CREBBP: variants seen among roughly 807,000 people sequenced by gnomAD.
CREBBP encodes CREB binding lysine acetyltransferase.
A neutral mutation model predicts 265.0 loss-of-function variants in CREBBP; 19 were observed. That is an observed-to-expected ratio of 0.07 (90% CI 0.05 to 0.11). The LOEUF (loss-of-function observed/expected upper bound fraction) is 0.11, where lower values mean the gene tolerates loss of function less well. CREBBP is among the 10% of genes least tolerant of loss of function. The pLI is 1.00. For synonymous variants in CREBBP, 1,457 were observed against 1,223.7 expected (o/e 1.19, Z -3.98); for missense variants, 2,525 against 3,219.0 (o/e 0.78, Z 5.22).
intron 23 of CREBBP, chr16:3,742,412 T>G (rs2052238781): frequency 6.6e-6 from 1 of 152,240 alleles, no homozygotes; most frequent in African/African-American, 2.4e-5. Flanking sequence ...GATACATGTG[T>G]GAAAGTAGAC....
At chr16:3,761,460 T>TAA (rs1329549783) in intron 16 of CREBBP, 1 of 498,964 alleles carries the variant, frequency 2.0e-6, no homozygotes, top group Non-Finnish European at 4.0e-6. Flanking sequence ...AAGCAAAAGT[T>TAA]AAAAGTTGGA....
intron 3 of CREBBP, among the ~76,000 whole-genome samples, chr16:3,797,569 A>G (rs1943328400): frequency 6.6e-6 from 1 of 152,194 alleles, no homozygotes; most frequent in African/African-American, 2.4e-5. Flanking sequence ...TACTAACAAT[A>G]CACTGTAATA....
At chr16:3,849,472 T>TGATGTGC (rs2054776309) in intron 2 of CREBBP, among the ~76,000 whole-genome samples, 1 of 125,958 alleles carries the variant, frequency 7.9e-6, no homozygotes, top group Non-Finnish European at 1.7e-5. Context: ...TGTGTGTGTG[T>TGATGTGC]GTGTGTGTGT....
intron 3 of CREBBP, among the ~76,000 whole-genome samples, chr16:3,807,507 T>C (rs1352704397): frequency 6.6e-6 from 1 of 152,142 alleles, no homozygotes; most frequent in South Asian, 2.1e-4. Flanking sequence ...GATATAATTT[T>C]CAAAATTCAA....
intron 1 of CREBBP, among the ~76,000 whole-genome samples, chr16:3,865,805 AT>A (rs1281753913): frequency 2.0e-5 from 3 of 151,982 alleles, no homozygotes; most frequent in African/African-American, 7.3e-5. Context: ...CACCCGGCTA[AT>A]TTTTGTATTT....
At chr16:3,783,747 C>A (rs992109984) in intron 5 of CREBBP, among the ~76,000 whole-genome samples, 6 of 152,192 alleles carry the variant, frequency 3.9e-5, no homozygotes, top group South Asian at 2.1e-4. Flanking sequence ...CTACTGAGGC[C>A]CACTGCTGGC....
At position 3,827,179 on chromosome 16, in the gene CREBBP, T is replaced by G. The variant is rs921886744; in HGVS notation, c.799-16400A>C. Among the ~76,000 whole-genome samples, 3 of 150,354 alleles carry G rather than the reference T, an allele frequency of 2.0e-5. No homozygotes were observed. In the East Asian group the frequency reaches 5.8e-4, roughly 29 times the overall value. ...TATCTCTCTAAAAAAAATTTAAGTCTACTTAAAAAATGAAAAGAAAAAAAA... is the reference window on the plus strand; with the variant it reads ...TATCTCTCTAAAAAAAATTTAAGTCGACTTAAAAAATGAAAAGAAAAAAAA... On this transcript the variant is annotated intron_variant, in intron 2 of 30. Transcript: ENST00000262367.
chr16:3,740,185 G>C (rs11076785), intron 24 of CREBBP, among the ~76,000 whole-genome samples: 1 of 152,008 alleles, frequency 6.6e-6, no homozygotes. Flanking sequence ...CTATAATATG[G>C]TATGTGGTCT....
At position 3,820,052 on chromosome 16, in the gene CREBBP, T is replaced by C. The variant is rs530602081; in HGVS notation, c.799-9273A>G. ...TATAAGGTGTAAAAAAACAACACAG[T>C]TCAGTACATCAAGAGCAAAAGTTTG... On this transcript the variant is annotated intron_variant, in intron 2 of 30. Coordinates refer to ENST00000262367, the MANE Select transcript of CREBBP (RefSeq NM_004380.3). Among the ~76,000 whole-genome samples the C allele has an allele frequency of 5.3e-5, 8 of 152,280 alleles. No individual in the cohort carries two copies. The South Asian group carries it at 1.7e-3, about 32-fold the overall frequency.
At chr16:3,852,969 A>G (rs78031178) in intron 1 of CREBBP, among the ~76,000 whole-genome samples, 1 of 150,456 alleles carries the variant, frequency 6.6e-6, no homozygotes, top group African/African-American at 2.4e-5. Context: ...TAGCATCCAA[A>G]AAAAAAAAAA....
chr16:3,743,269 A>C (rs1484758538), intron 23 of CREBBP: 2 of 152,264 alleles, frequency 1.3e-5, no homozygotes, highest in African/African-American at 4.8e-5. Flanking sequence ...ACCTGGCCTG[A>C]AATGTCAACA....
intron 3 of CREBBP, among the ~76,000 whole-genome samples, chr16:3,799,778 G>A (rs951867872): frequency 3.9e-5 from 6 of 152,174 alleles, no homozygotes; most frequent in African/African-American, 1.2e-4. Context: ...ATGTGGAGCA[G>A]GGGAATGGGC....
In CREBBP at chr16:3,791,730, G is replaced by A. The variant is rs544894786; in HGVS notation, c.1330+251C>T. On this transcript the variant is annotated intron_variant, in intron 5 of 30. Transcript: ENST00000262367. ...TCTGCTGTTCCATGCTGCTTCAAGT[G>A]CATGTATGCAGGGGGCAGGGAGAGG... Among the ~76,000 whole-genome samples, 11 of 152,300 alleles carry A rather than the reference G, an allele frequency of 7.2e-5. No individual in the cohort carries two copies. The South Asian group carries it at 2.1e-3, about 29-fold the overall frequency.
intron 2 of CREBBP, among the ~76,000 whole-genome samples, chr16:3,837,638 T>C (rs2054481150): frequency 6.7e-6 from 1 of 150,122 alleles, no homozygotes; most frequent in African/African-American, 2.4e-5. Flanking sequence ...TAATAATAAA[T>C]AAATAAATAA....
intron 1 of CREBBP, among the ~76,000 whole-genome samples, chr16:3,878,782 G>A (rs143032184): frequency 1.3e-5 from 2 of 152,252 alleles, no homozygotes; most frequent in African/African-American, 4.8e-5. Flanking sequence ...TGTTCGCAGC[G>A]GCACACAAGT....
At chr16:3,755,540 G>C (rs2052566510) in intron 19 of CREBBP, among the ~76,000 whole-genome samples, 2 of 152,138 alleles carry the variant, frequency 1.3e-5, no homozygotes, top group South Asian at 4.2e-4. Context: ...ACAAAATGAG[G>C]CTGCGAGGGA....
chr16:3,787,999 T>C (rs915364890), intron 5 of CREBBP, among the ~76,000 whole-genome samples: 2 of 152,148 alleles, frequency 1.3e-5, no homozygotes, highest in Non-Finnish European at 1.5e-5. Flanking sequence ...TTTTAAACAA[T>C]CTGAGGCACC....
chr16:3,850,683 C>A lies in CREBBP; in HGVS notation c.412G>T (p.Ala138Ser). 1.9e-6 allele frequency: 3 copies of A among 1,614,190 alleles called. No homozygotes were observed. The highest frequency in any genetic ancestry group is 2.5e-6 in the Non-Finnish European group (3 of 1,180,056). ...GCGGGGGTGGGCCCAGAGGTGCTGG[C>A]TGCCTGTTTAGGCAGGCTGGGGGCT... ...SSAPSLPKQA[A>S]STSGPTPAAS... Residue 138 changes from alanine to serine, a missense_variant, in exon 2 of 31, where the codon GCC becomes TCC. Around this residue, in one of 19 missense-constraint regions of CREBBP, gnomAD observed 356 missense variants for 340.4 expected, o/e 1.05. Coordinates refer to ENST00000262367, the MANE Select transcript of CREBBP (RefSeq NM_004380.3).
chr16:3,780,241 CA>C (rs559038927), intron 8 of CREBBP, among the ~76,000 whole-genome samples: 3,363 of 53,684 alleles, frequency 0.063, 52 homozygotes, highest in African/African-American at 0.12. Context: ...GACTCTGTCT[CA>C]AAAAAAAAAA....
Sources: gnomAD v4.1 joint callset for allele counts (sites outside exome capture counted in the v4.1 genomes callset) on GRCh38, gnomAD v4.1.1 for gene constraint, gnomAD v4.1.1 regional missense constraint, MANE v1.5 for transcripts, NCBI Gene and HGNC (gene_info 2026-07-23, HGNC 2026-07-21) for gene names.